METRNL: variants seen among roughly 807,000 people sequenced by gnomAD.
METRNL encodes the protein meteorin like, glial cell differentiation regulator.
A neutral mutation model predicts 17.4 loss-of-function variants in METRNL; 9 were observed. The ratio of observed to expected loss-of-function variants is 0.52; its 90% CI spans 0.31 to 0.90. METRNL has a LOEUF of 0.90. Among genes scored for constraint, METRNL ranks in the 40% least tolerant of loss-of-function variants. The pLI is 0.05. For synonymous variants in METRNL, 215 were observed against 199.3 expected (o/e 1.08, Z -0.66); for missense variants, 408 against 430.7 (o/e 0.95, Z 0.47).
chr17:83,091,130 T>C (rs961965563), intron 2 of METRNL, among the ~76,000 whole-genome samples: 1 of 151,918 alleles, frequency 6.6e-6, no homozygotes, highest in Non-Finnish European at 1.5e-5. Flanking sequence ...TTCTGGAGGG[T>C]TGCTGGGATG....
intron 2 of METRNL, among the ~76,000 whole-genome samples, chr17:83,090,186 A>C (rs1255568478): frequency 5.2e-5 from 1 of 19,048 alleles, no homozygotes; most frequent in Admixed American, 1.0e-3. Flanking sequence ...GCCCCGCCCC[A>C]GGGTGGGAGC....
intron 1 of METRNL, chr17:83,084,616 C>T (rs995282707): frequency 1.1e-5 from 4 of 373,446 alleles, no homozygotes; most frequent in Middle Eastern, 6.6e-4. Context: ...GCAGCAGAGG[C>T]GCAGACTCTT....
rs747441581 is a variant in METRNL at position 83,094,258 on chromosome 17, G to A, written c.619G>A (p.Val207Ile). The A allele has an allele frequency of 5.2e-5, 82 of 1,566,538 alleles. No individual in the cohort carries two copies. The highest frequency in any genetic ancestry group is 6.8e-5 in the Non-Finnish European group (78 of 1,148,306). Residue 207 changes from valine to isoleucine, a missense_variant and splice_region_variant, in exon 4 of 4, where the codon GTT becomes ATT. Coordinates refer to ENST00000320095, the MANE Select transcript of METRNL (RefSeq NM_001004431.3). ...TCCCCATCTCCTTCCCCGCACAGCC[G>A]TTCGAGGCTCCATCCAGCAAGTTAC... ...LLAVCTSDFA[V>I]RGSIQQVTHE...
rs533285799 is a variant in METRNL at position 83,094,519 on chromosome 17, A to T, written c.880A>T (p.Met294Leu). 1.3e-6 allele frequency: 2 copies of T among 1,541,064 alleles called. No homozygotes were observed. The highest frequency in any genetic ancestry group is 2.3e-5 in the East Asian group (1 of 43,302). Reference protein sequence around the residue: ...CAPRFKDFQRMYRDAQERGLN... With the variant: ...CAPRFKDFQRLYRDAQERGLN... ...CCCACGCTTCAAGGACTTCCAGAGG[A>T]TGTACAGGGATGCCCAGGAGAGGGG... The change falls in exon 4 of 4, where the codon ATG (methionine) becomes TTG (leucine). Residue 294 changes from methionine to leucine, a missense_variant. Transcript: ENST00000320095.
chr17:83,093,512 A>T (rs1445491908), intron 3 of METRNL, among the ~76,000 whole-genome samples: 4 of 152,194 alleles, frequency 2.6e-5, no homozygotes, highest in Non-Finnish European at 1.5e-5. Context: ...GGACTCTTGA[A>T]GTCCACTGTC....
At chr17:83,083,150 G>A (rs1173371017) in intron 1 of METRNL, among the ~76,000 whole-genome samples, 1 of 152,258 alleles carries the variant, frequency 6.6e-6, no homozygotes, top group Non-Finnish European at 1.5e-5. Context: ...TGCTAGGCCA[G>A]GACGGCCCCC....
chr17:83,083,991 G>C (rs2038019048), intron 1 of METRNL: 1 of 152,182 alleles, frequency 6.6e-6, no homozygotes, highest in African/African-American at 2.4e-5. Flanking sequence ...AAGCGTGAGG[G>C]TTTTGATGTT....
intron 2 of METRNL, among the ~76,000 whole-genome samples, chr17:83,089,890 G>A (rs866627439): frequency 1.2e-4 from 19 of 152,044 alleles, no homozygotes; most frequent in African/African-American, 4.6e-4. Flanking sequence ...TCTAGCAGGC[G>A]AGGCTGCAGG....
At chr17:83,087,586 A>C (rs1424680274) in intron 2 of METRNL, among the ~76,000 whole-genome samples, 1 of 152,156 alleles carries the variant, frequency 6.6e-6, no homozygotes, top group Admixed American at 6.5e-5. Context: ...TAAGCCTTTA[A>C]TGCTGCAGGA....
At chr17:83,088,942 G>A (rs1357028039) in intron 2 of METRNL, among the ~76,000 whole-genome samples, 1 of 152,144 alleles carries the variant, frequency 6.6e-6, no homozygotes, top group African/African-American at 2.4e-5. Context: ...TTGGCTTCCT[G>A]CTTGGTGCCT....
intron 1 of METRNL, chr17:83,082,200 G>A: frequency 1.0e-6 from 1 of 985,448 alleles, no homozygotes; most frequent in Non-Finnish European, 1.2e-6. Flanking sequence ...GGCATCGCAG[G>A]TGCGGTCACA....
At chr17:83,081,969 G>C in intron 1 of METRNL, 6 of 481,848 alleles carry the variant, frequency 1.2e-5, no homozygotes, top group Non-Finnish European at 1.6e-5. Flanking sequence ...AGCGAGCGCT[G>C]GTGTGCTGGG....
At chr17:83,091,345 G>A (rs186304266) in intron 2 of METRNL, among the ~76,000 whole-genome samples, 307 of 152,334 alleles carry the variant, frequency 2.0e-3, no homozygotes, top group African/African-American at 5.6e-3. Flanking sequence ...CACTGAGCCC[G>A]GCTGGGAGGC....
chr17:83,081,062 CG>C (rs1296661784), intron 1 of METRNL, among the ~76,000 whole-genome samples: 1 of 151,590 alleles, frequency 6.6e-6, no homozygotes, highest in Non-Finnish European at 1.5e-5. Flanking sequence ...GGAGCCTCCC[CG>C]GGGGAAGGGG....
At chr17:83,092,744 A>G (rs1303134786) in intron 2 of METRNL, among the ~76,000 whole-genome samples, 1 of 152,176 alleles carries the variant, frequency 6.6e-6, no homozygotes, top group Non-Finnish European at 1.5e-5. Flanking sequence ...TTGCATTTGC[A>G]ACAGGCACGT....
intron 2 of METRNL, among the ~76,000 whole-genome samples, chr17:83,089,514 G>A (rs367627763): frequency 6.6e-6 from 1 of 151,972 alleles, no homozygotes; most frequent in African/African-American, 2.4e-5. Context: ...CCGCAGCAGC[G>A]TCCCCAACCC....
chr17:83,083,575 T>C (rs542220731), intron 1 of METRNL, among the ~76,000 whole-genome samples: 21 of 152,300 alleles, frequency 1.4e-4, no homozygotes, highest in African/African-American at 4.6e-4. Flanking sequence ...GAGTCTGTTC[T>C]GGGTGTGTGA....
At position 83,085,076 on chromosome 17, in the gene METRNL, C is replaced by G. The variant is rs754213367; in HGVS notation, c.309C>G (p.His103Gln). 6 of 1,613,928 alleles carry G rather than the reference C, an allele frequency of 3.7e-6. No individual in the cohort carries two copies. Among genetic ancestry groups the G allele is most frequent in the Non-Finnish European group, 5.1e-6 (6 of 1,180,020 alleles). The change falls in exon 2 of 4, where the codon CAC (histidine) becomes CAG (glutamine). Residue 103 changes from histidine (H) to glutamine (Q), a missense_variant. Coordinates refer to ENST00000320095, the MANE Select transcript of METRNL (RefSeq NM_001004431.3). ...LRPNTFSPAR[H>Q]LTVCIRSFTD... ...CCAACACCTTCTCGCCTGCCCGGCA[C>G]CTGACCGTGTGCATCAGGTCCTTCA... is the stretch of plus-strand genomic sequence containing the variant.
At chr17:83,089,166 A>AGG (rs942589684) in intron 2 of METRNL, among the ~76,000 whole-genome samples, 1 of 152,052 alleles carries the variant, frequency 6.6e-6, no homozygotes, top group Admixed American at 6.5e-5. Context: ...GGTGGCCTTG[A>AGG]GGGGAGCCTT....
Sources: gnomAD v4.1 joint callset for allele counts (sites outside exome capture counted in the v4.1 genomes callset) on GRCh38, gnomAD v4.1.1 for gene constraint, MANE v1.5 for transcripts, NCBI Gene and HGNC (gene_info 2026-07-23, HGNC 2026-07-21) for gene names.